Variants in DNAJB11 observed in about 807,000 individuals in gnomAD.
The protein encoded by DNAJB11 is dnaJ homolog subfamily B member 11.
Under a neutral mutation model 47.2 loss-of-function variants are expected in DNAJB11, and 30 were observed. The ratio of observed to expected loss-of-function variants is 0.64; its 90% CI spans 0.48 to 0.86. The LOEUF is 0.86. DNAJB11 is among the 40% of genes least tolerant of loss of function. The pLI is 0.00. For missense variants in DNAJB11, 357 were observed against 440.2 expected (o/e 0.81, Z 1.69); for synonymous variants, 151 against 159.9 (o/e 0.94, Z 0.42).
chr3:186,581,665 T>C, intron 5 of DNAJB11, 152 bp downstream of exon 5: 2 of 937,530 alleles, frequency 2.1e-6, no homozygotes, highest in Non-Finnish European at 3.1e-6. Flanking sequence ...TACATTTTTT[T>C]CTGAAGTATT....
At position 186,574,487 on chromosome 3, in the gene DNAJB11, T is replaced by C. The variant is rs1344427305; in HGVS notation, c.226-1353T>C. ...TTAATAATAAGGGTTTTTTTTTTTT[T>C]CAAGTTAATTGTGCCCATTTCTGCT... On this transcript the variant is annotated intron_variant, in intron 2 of 9. Transcript: ENST00000265028. Among the ~76,000 whole-genome samples, 4 of 151,982 alleles carry C rather than the reference T, an allele frequency of 2.6e-5. No homozygotes were observed. The East Asian group carries it at 5.8e-4, about 22-fold the overall frequency.
intron 4 of DNAJB11, chr3:186,581,112 C>T (rs1043615537): frequency 4.9e-5 from 18 of 370,380 alleles, no homozygotes; most frequent in East Asian, 3.9e-4. Flanking sequence ...CTTTATTTTT[C>T]GGTTCTCTTG....
At chr3:186,581,808 A>G (rs1279199405) in intron 5 of DNAJB11, among the ~76,000 whole-genome samples, 187 bp from the exon 6 acceptor site, 2 of 152,174 alleles carry the variant, frequency 1.3e-5, no homozygotes, top group Admixed American at 6.5e-5. Context: ...TTATAAATGT[A>G]TAGTAGCTTC....
chr3:186,577,926 A>G, intron 4 of DNAJB11, 126 bp downstream of exon 4: 7 of 712,400 alleles, frequency 9.8e-6, no homozygotes, highest in Non-Finnish European at 1.5e-5. Context: ...AATGCACAAA[A>G]TTGAATTAAT....
chr3:186,583,273 TG>T (rs887363498), intron 7 of DNAJB11, among the ~76,000 whole-genome samples: 1 of 152,232 alleles, frequency 6.6e-6, no homozygotes, highest in Non-Finnish European at 1.5e-5. Flanking sequence ...TCTCTGCCTT[TG>T]TAAGGAGTCA....
chr3:186,581,512 A>G lies in DNAJB11; in HGVS notation c.598A>G (p.Lys200Glu). 6.2e-7 allele frequency: 1 copy of G among 1,609,492 alleles called. No homozygotes were observed. Among genetic ancestry groups the G allele is most frequent in the Non-Finnish European group, 8.5e-7 (1 of 1,178,548 alleles). ...GGTCTGCGACGAATGCCCTAATGTCAAGTAAGTGAAAGCACCTTCTTTGTT... is the reference window on the plus strand; with the variant it reads ...GGTCTGCGACGAATGCCCTAATGTCGAGTAAGTGAAAGCACCTTCTTTGTT... ...EVVCDECPNV[K>E]LVNEERTLEV... Residue 200 changes from lysine to glutamate, a missense_variant and splice_region_variant, in exon 5 of 10, where the codon AAA becomes GAA. Physicochemically the swap from Lys to Glu is moderately conservative, Grantham distance 56. Transcript: ENST00000265028.
intron 3 of DNAJB11, among the ~76,000 whole-genome samples, chr3:186,576,269 T>A (rs534150578): frequency 1.3e-5 from 2 of 152,294 alleles, no homozygotes; most frequent in Admixed American, 1.3e-4. Flanking sequence ...GCAAAATTAT[T>A]GTTAGCAGAG....
Position 186,581,513 on chromosome 3 carries a change from A to C in DNAJB11, c.599A>C (p.Lys200Thr), listed in dbSNP as rs764402304. The C allele has an allele frequency of 5.9e-5, 95 of 1,610,260 alleles. No individual in the cohort carries two copies. Among genetic ancestry groups the C allele is most frequent in the Non-Finnish European group, 8.5e-7 (1 of 1,178,780 alleles). Residue 200 changes from lysine (K) to threonine (T), a missense_variant and splice_region_variant, in exon 5 of 10, where the codon AAA (lysine) becomes ACA (threonine). By Grantham distance (78) the Lys-to-Thr change is moderately conservative (BLOSUM62 -1). Coordinates refer to ENST00000265028, the MANE Select transcript of DNAJB11 (RefSeq NM_016306.6). ...EVVCDECPNV[K>T]LVNEERTLEV... is the part of the protein sequence containing the mutation. The stretch of plus-strand genomic sequence containing the variant: ...GTCTGCGACGAATGCCCTAATGTCA[A>C]GTAAGTGAAAGCACCTTCTTTGTTC...
At chr3:186,580,620 A>G (rs1279447407) in intron 4 of DNAJB11, 1 of 152,238 alleles carries the variant, frequency 6.6e-6, no homozygotes, top group African/African-American at 2.4e-5. Context: ...TATTGTTGCT[A>G]TAATTTACTC....
chr3:186,572,587 AT>A (rs1243638978), intron 2 of DNAJB11, among the ~76,000 whole-genome samples: 5 of 152,230 alleles, frequency 3.3e-5, no homozygotes, highest in Admixed American at 2.6e-4. Context: ...TAATAAGTAG[AT>A]CAACTGATTG....
At chr3:186,581,804 A>G (rs1715494765) in intron 5 of DNAJB11, among the ~76,000 whole-genome samples, 191 bp from the exon 6 acceptor site, 2 of 152,100 alleles carry the variant, frequency 1.3e-5, no homozygotes, top group African/African-American at 4.8e-5. Context: ...ATGTTTATAA[A>G]TGTATAGTAG....
At chr3:186,584,321 T>G in intron 8 of DNAJB11, 109 bp from the exon 9 acceptor site, 1 of 1,140,778 alleles carries the variant, frequency 8.8e-7, no homozygotes, top group South Asian at 1.9e-5. Context: ...TCATTCTTTC[T>G]TTTTGCTGAG....
chr3:186,571,022 T>TGGGGGTCTGGTTTGGGGGGGGGGG, intron 1 of DNAJB11, 57 bp downstream of exon 1: 1 of 208,314 alleles, frequency 4.8e-6, no homozygotes, highest in East Asian at 9.8e-5. Context: ...TGCTGGGGGG[T>TGGGGGTCTGGTTTGGGGGGGGGGG]GGGAGGGGGT....
chr3:186,572,973 CAT>C (rs1578984136), intron 2 of DNAJB11, among the ~76,000 whole-genome samples: 1 of 152,098 alleles, frequency 6.6e-6, no homozygotes, highest in East Asian at 1.9e-4. Context: ...TTCTTTTTTA[CAT>C]AAATCAAACA....
Position 186,574,175 on chromosome 3 carries a change from G to A in DNAJB11, c.226-1665G>A, listed in dbSNP as rs572775194. ...TACTTGAGAATCTGTGTATTGGTTG[G>A]CCAATCAACTAAAAACCTTTTTTCT... is the stretch of plus-strand genomic sequence containing the variant. On this transcript the variant is annotated intron_variant, in intron 2 of 9. Coordinates refer to ENST00000265028, the MANE Select transcript of DNAJB11 (RefSeq NM_016306.6). 2.0e-5 allele frequency among the ~76,000 whole-genome samples: 3 copies of A among 152,290 alleles called. No homozygotes were observed. The South Asian group carries it at 6.2e-4, about 32-fold the overall frequency.
chr3:186,582,182 T>G, intron 6 of DNAJB11, 105 bp downstream of exon 6: 1 of 835,494 alleles, frequency 1.2e-6, no homozygotes, highest in South Asian at 1.6e-5. Context: ...GTTCACATAG[T>G]AAACGCATAT....
chr3:186,582,457 G>A (rs1451052231), intron 6 of DNAJB11, among the ~76,000 whole-genome samples: 1 of 152,122 alleles, frequency 6.6e-6, no homozygotes, highest in Non-Finnish European at 1.5e-5. Context: ...AATAAAAAAA[G>A]CTTTAAGACT....
At chr3:186,575,578 A>G (rs1715263055) in intron 2 of DNAJB11, among the ~76,000 whole-genome samples, 1 of 152,188 alleles carries the variant, frequency 6.6e-6, no homozygotes, top group African/African-American at 2.4e-5. Flanking sequence ...AATCTCAGGT[A>G]TTATTTTTTA....
intron 2 of DNAJB11, among the ~76,000 whole-genome samples, 178 bp from the exon 3 acceptor site, chr3:186,575,662 G>T (rs1159499018): frequency 2.0e-5 from 3 of 152,130 alleles, no homozygotes; most frequent in Admixed American, 6.5e-5. Flanking sequence ...GTGCATCAAA[G>T]AATTTAGTCT....
Sources: allele counts gnomAD v4.1 joint callset (sites outside exome capture counted in the v4.1 genomes callset), GRCh38; gene constraint gnomAD v4.1.1; transcripts MANE v1.5; gene names NCBI Gene and HGNC (gene_info 2026-07-23, HGNC 2026-07-21).